ABR: variants seen among roughly 807,000 people sequenced by gnomAD.
The protein encoded by ABR is ABR activator of RhoGEF and GTPase, also known as active breakpoint cluster region-related protein.
A neutral mutation model predicts 107.2 loss-of-function variants in ABR; 35 were observed. The ratio of observed to expected loss-of-function variants is 0.33; its 90% CI spans 0.25 to 0.43. The LOEUF is 0.43. ABR is among the 20% of genes least tolerant of loss of function. ABR has a pLI of 1.00. For missense variants in ABR, 815 were observed against 1,115.2 expected, an observed-to-expected ratio of 0.73 and a Z score of 3.83; for synonymous variants, 498 against 462.0, an observed-to-expected ratio of 1.08 and a Z score of -1.00.
chr17:1,196,854 C>T (rs911336873), intron 1 of ABR, among the ~76,000 whole-genome samples: 4 of 152,204 alleles, frequency 2.6e-5, no homozygotes, highest in Admixed American at 6.5e-5. Context: ...ACCACCGTGC[C>T]CGGCTAATTT....
chr17:1,038,610 G>C (rs1173664455), intron 16 of ABR, among the ~76,000 whole-genome samples: 1 of 152,192 alleles, frequency 6.6e-6, no homozygotes, highest in Admixed American at 6.5e-5. Flanking sequence ...AAAGCTACAG[G>C]CTACACTGGG....
At chr17:1,044,524 G>A (rs572110802) in intron 16 of ABR, among the ~76,000 whole-genome samples, 4 of 152,046 alleles carry the variant, frequency 2.6e-5, no homozygotes, top group East Asian at 3.9e-4. Context: ...GGTGGTGGGC[G>A]CCTGTAATCC....
At chr17:1,106,370 G>A (rs1052561534) in intron 2 of ABR, among the ~76,000 whole-genome samples, 1 of 152,000 alleles carries the variant, frequency 6.6e-6, no homozygotes, top group Non-Finnish European at 1.5e-5. Flanking sequence ...GGTGTGCCAA[G>A]AACCTCTGCA....
Position 1,179,865 on chromosome 17 carries a change from A to G in ABR, c.-138T>C. On this transcript the variant is annotated 5_prime_UTR_variant, in exon 1 of 23. Transcript: ENST00000302538. This position sits in a 1 kb window ranked among gnomAD's most constrained non-coding sequence, Gnocchi z 4.9. ...GGCCGGGAACCAGGTCCCCGGGAGG[A>G]GCGCGGGGCGGCCGGGGCAGGGGCG... 1 of 842,112 alleles carries G rather than the reference A, an allele frequency of 1.2e-6. No individual in the cohort carries two copies. The allele number at this position is 842,112 out of a possible 1,614,324, so 52.2% of individuals were successfully genotyped here.
upstream of ABR, among the ~76,000 whole-genome samples, chr17:1,191,005 C>T (rs963700430): frequency 5.9e-5 from 9 of 152,294 alleles, no homozygotes; most frequent in East Asian, 3.9e-4. Context: ...GGCTTGGGCA[C>T]GACTTCTGCG....
At chr17:1,214,983 G>C (rs1213215328) in intron 1 of ABR, among the ~76,000 whole-genome samples, 1 of 152,088 alleles carries the variant, frequency 6.6e-6, no homozygotes, top group Non-Finnish European at 1.5e-5. Flanking sequence ...ACTTTAGGAG[G>C]TGGAGGCAGG....
At chr17:1,185,363 G>A (rs879435874) in intron 1 of ABR, among the ~76,000 whole-genome samples, 25 of 152,228 alleles carry the variant, frequency 1.6e-4, no homozygotes, top group Admixed American at 5.9e-4. Flanking sequence ...ATGCGCCCAG[G>A]GCCAGGCACA....
At position 1,091,859 on chromosome 17, in the gene ABR, A is replaced by G. The variant is rs2037051564; in HGVS notation, c.346-9T>C. On this transcript the variant is annotated splice_polypyrimidine_tract_variant and intron_variant, in intron 3 of 22. Coordinates refer to ENST00000302538, the MANE Select transcript of ABR (RefSeq NM_021962.5). ...TTCAGGGGTTTCATGGGCTGGGAGA[A>G]ACAGAGGAAGAAAGAGCAGAGGTCG... The G allele has an allele frequency of 6.2e-7, 1 of 1,610,538 alleles. No homozygotes were observed.
At chr17:1,096,363 C>T (rs1049932760) in intron 3 of ABR, among the ~76,000 whole-genome samples, 2 of 152,130 alleles carry the variant, frequency 1.3e-5, no homozygotes, top group Admixed American at 6.6e-5. Context: ...AGTGGGAAAG[C>T]GAGCATGGAG....
chr17:1,211,706 G>A (rs1176289592), intron 1 of ABR, among the ~76,000 whole-genome samples: 1 of 152,196 alleles, frequency 6.6e-6, no homozygotes, highest in East Asian at 1.9e-4. Context: ...TGGGCAGTCT[G>A]ACCCCAGAAC....
At chr17:1,153,402 C>T (rs550949247) in intron 1 of ABR, among the ~76,000 whole-genome samples, 11 of 147,512 alleles carry the variant, frequency 7.5e-5, no homozygotes, top group Non-Finnish European at 1.2e-4. Flanking sequence ...GGCACACCTG[C>T]GGGAGGGCTG....
intron 1 of ABR, among the ~76,000 whole-genome samples, chr17:1,223,886 C>T (rs1415751864): frequency 6.6e-6 from 1 of 152,168 alleles, no homozygotes; most frequent in Non-Finnish European, 1.5e-5. Context: ...GATCCAGTCG[C>T]CTCCCACCAG....
intron 1 of ABR, among the ~76,000 whole-genome samples, chr17:1,168,940 C>T (rs1294185035): frequency 1.3e-5 from 2 of 152,220 alleles, no homozygotes; most frequent in Non-Finnish European, 2.9e-5. Flanking sequence ...TCAGGAGCTG[C>T]CACGGGGTCT....
intron 1 of ABR, chr17:1,153,883 G>C (rs1458610056): frequency 4.9e-6 from 1 of 202,992 alleles, no homozygotes; most frequent in Non-Finnish European, 1.0e-5. Flanking sequence ...ACCTCGCCCG[G>C]CAACCATCTC....
intron 6 of ABR, among the ~76,000 whole-genome samples, chr17:1,077,875 C>T (rs1055642554): frequency 3.3e-5 from 5 of 152,196 alleles, no homozygotes; most frequent in African/African-American, 4.8e-5. Context: ...GGGAGCCACA[C>T]GTGCCCACCC....
At chr17:1,083,351 T>G (rs1054576521) in intron 5 of ABR, 169 bp downstream of exon 5, 7 of 403,496 alleles carry the variant, frequency 1.7e-5, no homozygotes, top group Non-Finnish European at 3.2e-5. Flanking sequence ...ATAGATCGTT[T>G]TCTATTAAGA....
intron 18 of ABR, 154 bp from the exon 19 acceptor site, chr17:1,012,139 G>GCACCC: frequency 8.2e-7 from 1 of 1,222,978 alleles, no homozygotes; most frequent in Non-Finnish European, 1.2e-6. Flanking sequence ...AGAGGCCACC[G>GCACCC]CACCCCACCC....
At chr17:1,182,260 T>C (rs1376893746), upstream of ABR, 1 of 152,184 alleles carries the variant, frequency 6.6e-6, no homozygotes, top group Non-Finnish European at 1.5e-5. Context: ...TTTTCTCCAT[T>C]TTCCAGGTCA....
In ABR at chr17:1,031,402, C is replaced by G. The variant is rs182824236; in HGVS notation, c.1792-18238G>C. On this transcript the variant is annotated intron_variant, in intron 16 of 22. Coordinates refer to ENST00000302538, the MANE Select transcript of ABR (RefSeq NM_021962.5). Reference sequence around the variant, plus strand: ...GGGCAGATGCCCGAGCGCCAGGGTCCGGGTGGGGGCGGCCCCAGCGTTCGC... The same window carrying G: ...GGGCAGATGCCCGAGCGCCAGGGTCGGGGTGGGGGCGGCCCCAGCGTTCGC... 8.0e-3 allele frequency among the ~76,000 whole-genome samples: 1,220 copies of G among 152,240 alleles called. 20 individuals carry two copies. The highest frequency in any genetic ancestry group is 0.028 in the African/African-American group (1,149 of 41,556).
Sources: gnomAD v4.1 joint callset for allele counts (sites outside exome capture counted in the v4.1 genomes callset) on GRCh38, gnomAD v4.1.1 for gene constraint, Gnocchi (gnomAD v3.1) non-coding constraint, MANE v1.5 for transcripts, NCBI Gene and HGNC (gene_info 2026-07-23, HGNC 2026-07-21) for gene names.